RARB: variants seen among roughly 807,000 people sequenced by gnomAD.
RARB encodes the protein retinoic acid receptor beta, also known as HBV-activated protein.
In RARB, 17 loss-of-function variants were observed where a neutral mutation model predicts 51.9. The observed-to-expected ratio is 0.33, with a 90% CI of 0.22 to 0.49. The LOEUF (loss-of-function observed/expected upper bound fraction) is 0.49. Ranked by LOEUF, RARB falls within the 20% of genes least tolerant of loss-of-function variation. RARB has a pLI of 0.99. For synonymous variants in RARB, 215 were observed against 195.4 expected (o/e 1.10, Z -0.84); for missense variants, 369 against 550.8 (o/e 0.67, Z 3.30).
chr3:25,343,024 T>TTGTGTGTGTGTG (rs6147737), intron 5 of RARB, among the ~76,000 whole-genome samples: 2,464 of 132,002 alleles, frequency 0.019, 67 homozygotes, highest in Non-Finnish European at 0.021. Context: ...TGCAAGTACT[T>TTGTGTGTGTGTG]TGTGTGTGTG....
At chr3:25,442,859 C>T (rs771857396) in intron 1 of RARB, among the ~76,000 whole-genome samples, 2 of 152,048 alleles carry the variant, frequency 1.3e-5, no homozygotes, top group Admixed American at 6.5e-5. Context: ...TGGAGACATA[C>T]GATGTCTATT....
rs139458801 is a variant in RARB, at chr3:25,203,823, C to G, written c.178+29248C>G. On this transcript the variant is annotated intron_variant, in intron 5 of 11. Coordinates refer to the RARB transcript ENST00000383772. ...TCTACTATTAGTCTGATGGGCTTCC[C>G]TTTGCGGGTAACCTGACCTTTCTCT... Among the ~76,000 whole-genome samples the G allele has an allele frequency of 2.2e-3, 328 of 152,340 alleles. 10 individuals are homozygous for G. In the East Asian group the frequency reaches 0.059, roughly 27 times the overall value.
chr3:25,020,492 C>A (rs1414781070), intron 2 of RARB: 1 of 152,072 alleles, frequency 6.6e-6, no homozygotes, highest in African/African-American at 2.4e-5. Flanking sequence ...GTCTCATAAT[C>A]ACTTTATTTT....
intron 5 of RARB, among the ~76,000 whole-genome samples, chr3:25,300,612 G>A (rs1041855023): frequency 3.9e-5 from 6 of 152,142 alleles, no homozygotes; most frequent in African/African-American, 1.4e-4. Context: ...CCTTTAAAAG[G>A]AGAAACCATA....
At position 25,103,302 on chromosome 3, in the gene RARB, A is replaced by G. The variant is rs758654993; in HGVS notation, c.-327-28859A>G. 2.6e-5 allele frequency among the ~76,000 whole-genome samples: 4 copies of G among 152,280 alleles called. No individual in the cohort carries two copies. In the South Asian group the frequency reaches 8.3e-4, roughly 32 times the overall value. The stretch of plus-strand genomic sequence containing the variant: ...AAATGAGTACTTCTTAAAACATTTC[A>G]CAGGTGATATGCACCGTTGTAAGTG... On this transcript the variant is annotated intron_variant, in intron 3 of 11. Transcript: ENST00000383772.
At position 25,539,802 on chromosome 3, in the gene RARB, C is replaced by G. The variant is rs1289393735; in HGVS notation, c.449-29956C>G. On this transcript the variant is annotated intron_variant, in intron 3 of 7. Coordinates refer to ENST00000330688, the MANE Select transcript of RARB (RefSeq NM_000965.5). ...TGCATTACTTATTTTGTATCCCCAT[C>G]ACATTGATGTCTTATACAATTGACT... Among the ~76,000 whole-genome samples, 3 of 150,996 alleles carry G rather than the reference C, an allele frequency of 2.0e-5. No individual in the cohort carries two copies. The Admixed American group carries it at 2.0e-4, about 10-fold the overall frequency.
chr3:24,973,404 G>A (rs764042947), intron 2 of RARB, among the ~76,000 whole-genome samples: 1 of 151,860 alleles, frequency 6.6e-6, no homozygotes, highest in Non-Finnish European at 1.5e-5. Context: ...ATAGTATAAT[G>A]CCCCCAACTT....
intron 3 of RARB, among the ~76,000 whole-genome samples, chr3:25,084,680 G>A (rs1159677138): frequency 6.6e-6 from 1 of 151,568 alleles, no homozygotes; most frequent in African/African-American, 2.4e-5. Flanking sequence ...GAAGGATAAT[G>A]TTTTGATATT....
At chr3:25,068,557 A>AC (rs1311694977) in intron 3 of RARB, among the ~76,000 whole-genome samples, 5 of 152,234 alleles carry the variant, frequency 3.3e-5, no homozygotes, top group African/African-American at 1.2e-4. Flanking sequence ...AATGACATCA[A>AC]GAAAAAATTA....
intron 5 of RARB, among the ~76,000 whole-genome samples, chr3:25,338,442 C>A (rs191545128): frequency 1.2e-4 from 18 of 152,254 alleles, no homozygotes; most frequent in Admixed American, 8.5e-4. Context: ...ATTCTCTTTG[C>A]CACCTTTGTA....
intron 2 of RARB, among the ~76,000 whole-genome samples, chr3:24,979,305 C>G (rs528674223): frequency 6.6e-6 from 1 of 152,096 alleles, no homozygotes; most frequent in Non-Finnish European, 1.5e-5. Flanking sequence ...CCTGGATATC[C>G]TTGTTAATTT....
intron 5 of RARB, among the ~76,000 whole-genome samples, chr3:25,333,583 A>T (rs937249813): frequency 6.6e-6 from 1 of 152,230 alleles, no homozygotes; most frequent in African/African-American, 2.4e-5. Flanking sequence ...CTTAGAAGAA[A>T]ACCTAGGCAA....
At chr3:25,025,198 A>G (rs370317494) in intron 2 of RARB, 1 of 152,214 alleles carries the variant, frequency 6.6e-6, no homozygotes, top group South Asian at 2.1e-4. Flanking sequence ...TACAGGAATT[A>G]GAACATTTTC....
chr3:25,284,393 T>TAATAAAAATATTTGAGC lies in RARB; in HGVS notation c.178+109840_178+109856dup, dbSNP rs1233265142. Among the ~76,000 whole-genome samples the TAATAAAAATATTTGAGC allele has an allele frequency of 9.3e-4, 142 of 152,210 alleles. 1 individual carries two copies. The highest frequency in any genetic ancestry group is 6.8e-3 in the Middle Eastern group (2 of 294). ...TTGTTTGAAGCCATTCAGCTTTGAG[T>TAATAAAAATATTTGAGC]AATAAAAATATTTGAGCAATAAAAA... On this transcript the variant is annotated intron_variant, in intron 5 of 11. Transcript: ENST00000383772.
chr3:25,271,740 C>A (rs1172484997), intron 5 of RARB, among the ~76,000 whole-genome samples: 1 of 152,090 alleles, frequency 6.6e-6, no homozygotes, highest in African/African-American at 2.4e-5. Context: ...TAAAAGAAAA[C>A]CAAATACACT....
intron 5 of RARB, among the ~76,000 whole-genome samples, chr3:25,202,151 A>C (rs558092991): frequency 1.3e-5 from 2 of 151,822 alleles, no homozygotes; most frequent in African/African-American, 4.8e-5. Context: ...CTTCTTCCTG[A>C]TTTAGTCTTG....
At chr3:25,327,939 TTGTG>T (rs1421229628) in intron 5 of RARB, among the ~76,000 whole-genome samples, 1 of 152,206 alleles carries the variant, frequency 6.6e-6, no homozygotes, top group African/African-American at 2.4e-5. Context: ...AAATAAGCAT[TTGTG>T]TGAGAAATAA....
At chr3:25,067,101 G>A (rs1698678586) in intron 3 of RARB, among the ~76,000 whole-genome samples, 1 of 152,194 alleles carries the variant, frequency 6.6e-6, no homozygotes, top group Admixed American at 6.5e-5. Flanking sequence ...TACACCCACT[G>A]AGAAGGGCTC....
intron 5 of RARB, among the ~76,000 whole-genome samples, chr3:25,335,757 C>G (rs1466429123): frequency 6.6e-6 from 1 of 152,348 alleles, no homozygotes; most frequent in South Asian, 2.1e-4. Context: ...GTTTCTGCCT[C>G]TGACAACCTC....
Sources: gnomAD v4.1 joint callset for allele counts (sites outside exome capture counted in the v4.1 genomes callset) on GRCh38, gnomAD v4.1.1 for gene constraint, MANE v1.5 for transcripts, NCBI Gene and HGNC (gene_info 2026-07-23, HGNC 2026-07-21) for gene names.